The following GIGYF2 variants were observed in gnomAD, a reference collection of about 807,000 sequenced individuals.
GIGYF2 encodes the protein GRB10-interacting GYF protein 2.
A neutral mutation model predicts 208.1 loss-of-function variants in GIGYF2; 25 were observed. The ratio of observed to expected loss-of-function variants is 0.12; its 90% CI spans 0.09 to 0.17. The LOEUF (loss-of-function observed/expected upper bound fraction) is 0.17. Ranked by LOEUF, GIGYF2 falls within the 10% of genes least tolerant of loss-of-function variation. The pLI, the probability that GIGYF2 is intolerant of heterozygous loss-of-function variation, is 1.00. For missense variants in GIGYF2, 1,302 were observed against 1,579.4 expected (o/e 0.82, Z 2.98); for synonymous variants, 534 against 543.8 (o/e 0.98, Z 0.25).
intron 2 of GIGYF2, among the ~76,000 whole-genome samples, chr2:232,725,772 C>T (rs1479735840): frequency 6.6e-6 from 1 of 152,106 alleles, no homozygotes; most frequent in Non-Finnish European, 1.5e-5. Context: ...TTATCGTATT[C>T]CTTGTTCATA....
intron 8 of GIGYF2, among the ~76,000 whole-genome samples, chr2:232,770,352 A>T (rs1699183746): frequency 6.6e-6 from 1 of 152,238 alleles, no homozygotes; most frequent in Non-Finnish European, 1.5e-5. Flanking sequence ...ACATATTTCC[A>T]GTGCATTTTG....
chr2:232,703,249 A>G (rs1263615465), intron 1 of GIGYF2, among the ~76,000 whole-genome samples, 175 bp from the exon 2 acceptor site: 2 of 152,230 alleles, frequency 1.3e-5, no homozygotes, highest in African/African-American at 4.8e-5. Flanking sequence ...CTGTAGAACT[A>G]CTGAGACTTT....
Position 232,748,978 on chromosome 2 carries a change from G to T in GIGYF2, c.172-9G>T. 1 of 1,348,816 alleles carries T rather than the reference G, an allele frequency of 7.4e-7. No homozygotes were observed. Among genetic ancestry groups the T allele is most frequent in the Non-Finnish European group, 1.1e-6 (1 of 938,146 alleles). The allele number at this position is 1,348,816 out of a possible 1,614,324, so 83.6% of individuals were successfully genotyped here. A position where few individuals can be genotyped will look rare whatever the true frequency, so the allele number is the denominator to read the frequency against. On this transcript the variant is annotated splice_polypyrimidine_tract_variant and intron_variant, in intron 4 of 28. Transcript: ENST00000373563. Reference sequence around the variant, plus strand: ...CATTAATCTCATAATCATGTGTTTGGTCCTACAGATACCTTCAGACCTTCT... The same window carrying T: ...CATTAATCTCATAATCATGTGTTTGTTCCTACAGATACCTTCAGACCTTCT...
intron 27 of GIGYF2, 53 bp downstream of exon 27, chr2:232,847,624 G>C (rs1014030157): frequency 1.9e-6 from 3 of 1,602,792 alleles, no homozygotes; most frequent in East Asian, 4.5e-5. Flanking sequence ...ACCTTTAGAT[G>C]TTGAGTAACC....
intron 8 of GIGYF2, among the ~76,000 whole-genome samples, chr2:232,783,106 T>C (rs142154244): frequency 3.9e-5 from 6 of 152,350 alleles, no homozygotes; most frequent in South Asian, 2.1e-4. Flanking sequence ...GCAGAACTTA[T>C]ATGGCTTGAT....
At chr2:232,855,963 C>G (rs1309058898) in intron 28 of GIGYF2, among the ~76,000 whole-genome samples, 1 of 151,662 alleles carries the variant, frequency 6.6e-6, no homozygotes, top group Admixed American at 6.6e-5. Context: ...CAGAGTCTCG[C>G]TCTGTCACCC....
intron 8 of GIGYF2, among the ~76,000 whole-genome samples, chr2:232,777,426 C>G (rs1234693988): frequency 6.6e-6 from 1 of 152,172 alleles, no homozygotes; most frequent in African/African-American, 2.4e-5. Flanking sequence ...GTGAACAGTA[C>G]TTTTCTCCTC....
intron 2 of GIGYF2, chr2:232,729,995 G>C: frequency 5.4e-6 from 4 of 740,782 alleles, no homozygotes; most frequent in Non-Finnish European, 9.8e-6. Context: ...CTCCTGGAAG[G>C]CTGGCCTTTT....
intron 13 of GIGYF2, among the ~76,000 whole-genome samples, chr2:232,795,693 T>C (rs1395438562): frequency 8.6e-5 from 13 of 151,452 alleles, no homozygotes; most frequent in Admixed American, 7.9e-4. Context: ...AACCCAGGAG[T>C]TCAAGAACAG....
chr2:232,739,026 A>C (rs768807692), intron 3 of GIGYF2, among the ~76,000 whole-genome samples: 10 of 152,158 alleles, frequency 6.6e-5, no homozygotes, highest in Admixed American at 1.3e-4. Context: ...CACTTATTCT[A>C]GAAAATCTGG....
intron 8 of GIGYF2, chr2:232,766,083 C>G (rs1358231771): frequency 2.2e-6 from 1 of 461,522 alleles, no homozygotes; most frequent in Non-Finnish European, 4.5e-6. Context: ...GGATAATGGT[C>G]TTTCTATAGA....
In GIGYF2 at chr2:232,816,944, T is replaced by G. The variant is rs1270265029; in HGVS notation, c.2282T>G (p.Leu761Arg). The stretch of plus-strand genomic sequence containing the variant: ...GAAGAGCGAAAGAGGCAGGAAGAAC[T>G]CCGAAGACAACAGGAGGAAATTCTT... Reference protein sequence around the residue: ...EEEERKRQEELRRQQEEILRR... With the variant: ...EEEERKRQEERRRQQEEILRR... Residue 761 changes from leucine to arginine, a missense_variant, in exon 20 of 29, where the codon CTC becomes CGC. Physicochemically the swap from Leu to Arg is moderately radical, Grantham distance 102. Transcript: ENST00000373563. 1.9e-6 allele frequency: 3 copies of G among 1,611,524 alleles called. No homozygotes were observed. Among genetic ancestry groups the G allele is most frequent in the Non-Finnish European group, 2.5e-6 (3 of 1,178,032 alleles).
At chr2:232,761,691 TCTA>T (rs1698745124) in intron 8 of GIGYF2, 2 of 305,558 alleles carry the variant, frequency 6.5e-6, no homozygotes, top group Non-Finnish European at 1.2e-5. Flanking sequence ...TAGGAACCAA[TCTA>T]CTAACTCTTT....
chr2:232,752,378 C>A (rs538763757), intron 5 of GIGYF2, among the ~76,000 whole-genome samples: 119 of 152,152 alleles, frequency 7.8e-4, no homozygotes, highest in African/African-American at 2.8e-3. Context: ...GCTGAAGTTA[C>A]CTGAAATACG....
rs112344972 is a variant in GIGYF2 at position 232,702,161 on chromosome 2, G to A, written c.-109-1263G>A. Among the ~76,000 whole-genome samples the A allele has an allele frequency of 7.9e-4, 120 of 152,200 alleles. 1 individual carries two copies. Among genetic ancestry groups the A allele is most frequent in the African/African-American group, 2.3e-3 (96 of 41,526 alleles). ...GATCCCATTTTGAAAATAACTGGCC[G>A]GGTGCAGTGGCTCATGCCTGTAATC... On this transcript the variant is annotated intron_variant, in intron 1 of 28. Coordinates refer to ENST00000373563, the MANE Select transcript of GIGYF2 (RefSeq NM_001103146.3).
chr2:232,836,602 C>T (rs1276213782), intron 22 of GIGYF2, among the ~76,000 whole-genome samples: 1 of 145,650 alleles, frequency 6.9e-6, no homozygotes, highest in African/African-American at 2.5e-5. Context: ...TTGGGGCATA[C>T]ACTGACAGAC....
chr2:232,787,125 A>T, intron 8 of GIGYF2, 25 bp from the exon 9 acceptor site: 2 of 1,565,534 alleles, frequency 1.3e-6, no homozygotes, highest in East Asian at 2.2e-5. Context: ...GCTCATGTTT[A>T]CTTACCATAT....
At position 232,850,300 on chromosome 2, in the gene GIGYF2, A is replaced by G; in HGVS notation, c.3723A>G (p.Ser1241=). 6.2e-7 allele frequency: 1 copy of G among 1,613,428 alleles called. No individual in the cohort carries two copies. The highest frequency in any genetic ancestry group is 1.1e-5 in the South Asian group (1 of 91,076). The change falls in exon 28 of 29, where the codon TCA becomes TCG. Residue 1241 remains serine, a synonymous_variant. Transcript: ENST00000373563. ...VWGMNHSTLH[S]VFQTNQSNNQ... ...GGATGAACCACAGTACACTCCATTC[A>G]GTATTTCAGACCAATCAAAGCAACA...
chr2:232,799,419 G>A (rs919393930), intron 14 of GIGYF2, among the ~76,000 whole-genome samples: 10 of 151,798 alleles, frequency 6.6e-5, no homozygotes, highest in East Asian at 3.9e-4. Flanking sequence ...GTGGGATGGT[G>A]TGTGCCTGTA....
Sources: gnomAD v4.1 joint callset for allele counts (sites outside exome capture counted in the v4.1 genomes callset) on GRCh38, gnomAD v4.1.1 for gene constraint, MANE v1.5 for transcripts, NCBI Gene and HGNC (gene_info 2026-07-23, HGNC 2026-07-21) for gene names.